The following MCPH1 variants were observed in gnomAD, a reference collection of about 807,000 sequenced individuals.
MCPH1 encodes microcephalin.
Under a neutral mutation model 84.5 loss-of-function variants are expected in MCPH1, and 104 were observed. The ratio of observed to expected loss-of-function variants is 1.23; its 90% CI spans 1.05 to 1.45. The LOEUF is 1.45. Among genes scored for constraint, MCPH1 ranks in the 40% most tolerant of loss-of-function variants. The pLI, the probability that MCPH1 is intolerant of heterozygous loss-of-function variation, is 0.00. For missense variants in MCPH1, 1,498 were observed against 1,005.7 expected, an observed-to-expected ratio of 1.49 and a Z score of -6.62; for synonymous variants, 514 against 366.8, an observed-to-expected ratio of 1.40 and a Z score of -4.58.
At chr8:6,641,119 GAATA>G (rs1481377561) in intron 13 of MCPH1, among the ~76,000 whole-genome samples, 2 of 151,746 alleles carry the variant, frequency 1.3e-5, no homozygotes, top group African/African-American at 4.8e-5. Context: ...ATAAACTTTA[GAATA>G]AACATGTCGT....
chr8:6,426,084 T>C lies in MCPH1; in HGVS notation c.234-5415T>C, dbSNP rs577237129. ...GAAGCACAGTTAAAAAACATTTCCT[T>C]CCTCGTTCTCTTCCACCCGCCTCCC... On this transcript the variant is annotated intron_variant, in intron 3 of 13. Coordinates refer to ENST00000344683, the MANE Select transcript of MCPH1 (RefSeq NM_024596.5). 5.3e-5 allele frequency among the ~76,000 whole-genome samples: 8 copies of C among 152,306 alleles called. No homozygotes were observed. In the South Asian group the frequency reaches 1.5e-3, roughly 28 times the overall value.
intron 2 of MCPH1, among the ~76,000 whole-genome samples, chr8:6,413,982 T>C (rs971714830): frequency 2.6e-5 from 4 of 152,230 alleles, no homozygotes; most frequent in African/African-American, 9.6e-5. Context: ...CTTAAATTTC[T>C]GACCTCATGA....
chr8:6,452,441 A>C (rs1475481255), intron 8 of MCPH1, among the ~76,000 whole-genome samples: 1 of 152,252 alleles, frequency 6.6e-6, no homozygotes, highest in Non-Finnish European at 1.5e-5. Context: ...ATTTCGTGAA[A>C]ACGAAGTCAA....
At chr8:6,415,727 C>T (rs1799185442) in intron 3 of MCPH1, among the ~76,000 whole-genome samples, 1 of 152,058 alleles carries the variant, frequency 6.6e-6, no homozygotes, top group African/African-American at 2.4e-5. Flanking sequence ...ACTTGTTTTT[C>T]ATTTTCAAGA....
chr8:6,510,135 C>G (rs1400345612), intron 12 of MCPH1, among the ~76,000 whole-genome samples: 1 of 150,086 alleles, frequency 6.7e-6, no homozygotes, highest in Admixed American at 6.6e-5. Context: ...AGGGAGAAGA[C>G]AATATTTTTG....
At chr8:6,618,042 G>A (rs917284185) in intron 12 of MCPH1, among the ~76,000 whole-genome samples, 1 of 152,106 alleles carries the variant, frequency 6.6e-6, no homozygotes, top group Admixed American at 6.6e-5. Context: ...AAAGTGCTGG[G>A]ATTACAGGTG....
intron 12 of MCPH1, among the ~76,000 whole-genome samples, chr8:6,601,190 A>G (rs76466679): frequency 0.047 from 7,081 of 152,186 alleles, 572 homozygotes; most frequent in African/African-American, 0.16. Flanking sequence ...CACTTTCCAG[A>G]GGATTATTCC....
intron 9 of MCPH1, among the ~76,000 whole-genome samples, chr8:6,463,191 A>G (rs1418234913): frequency 6.6e-6 from 1 of 152,188 alleles, no homozygotes; most frequent in Non-Finnish European, 1.5e-5. Context: ...GTAGGCCATT[A>G]GCATGAAATT....
intron 9 of MCPH1, among the ~76,000 whole-genome samples, chr8:6,472,792 T>C (rs189144840): frequency 2.6e-3 from 398 of 152,306 alleles, no homozygotes; most frequent in African/African-American, 7.6e-3. Flanking sequence ...GTACAAAATA[T>C]ATCATTTAGG....
chr8:6,637,094 G>A (rs1229816226), intron 13 of MCPH1, among the ~76,000 whole-genome samples: 1 of 152,206 alleles, frequency 6.6e-6, no homozygotes, highest in Non-Finnish European at 1.5e-5. Flanking sequence ...ATGGTATCAG[G>A]TCATTCATTC....
intron 12 of MCPH1, among the ~76,000 whole-genome samples, chr8:6,576,100 C>T (rs1018468006): frequency 6.6e-6 from 1 of 151,212 alleles, no homozygotes; most frequent in African/African-American, 2.4e-5. Context: ...TATAACGCTA[C>T]CTTGCAGCCT....
At chr8:6,513,576 G>T in intron 12 of MCPH1, 1 of 829,118 alleles carries the variant, frequency 1.2e-6, no homozygotes, top group South Asian at 2.0e-5. Context: ...CTCGTGATCT[G>T]CCCACCTCGG....
At chr8:6,527,511 A>G in intron 12 of MCPH1, 1 of 1,591,302 alleles carries the variant, frequency 6.3e-7, no homozygotes, top group Non-Finnish European at 8.6e-7. Context: ...CATATCTGGA[A>G]AGTGTGCAGT....
chr8:6,533,980 A>G (rs1414000799), intron 12 of MCPH1, among the ~76,000 whole-genome samples: 3 of 152,102 alleles, frequency 2.0e-5, no homozygotes, highest in Non-Finnish European at 2.9e-5. Context: ...GGCTGGAACT[A>G]TAAGTTTCCT....
At chr8:6,455,119 A>G in intron 8 of MCPH1, 24 bp from the exon 9 acceptor site, 1 of 1,583,936 alleles carries the variant, frequency 6.3e-7, no homozygotes, top group Admixed American at 1.7e-5. Flanking sequence ...GTTCTAACTA[A>G]TTTTTAATCC....
At chr8:6,480,450 C>G (rs1809058840) in intron 10 of MCPH1, among the ~76,000 whole-genome samples, 1 of 152,212 alleles carries the variant, frequency 6.6e-6, no homozygotes, top group African/African-American at 2.4e-5. Flanking sequence ...GGCTCTGTCC[C>G]TACCCAGCCC....
At position 6,505,499 on chromosome 8, in the gene MCPH1, ATATG is replaced by A. The variant is rs1214349972; in HGVS notation, c.2214+5574_2214+5577del. Among the ~76,000 whole-genome samples, 13 of 4,914 alleles carry A rather than the reference ATATG, an allele frequency of 2.6e-3. 1 individual carries two copies. Among genetic ancestry groups the A allele is most frequent in the Admixed American group, 5.7e-3 (1 of 176 alleles). 3.2% of individuals were successfully genotyped at this position (4,914 alleles called of 152,430 possible). On this transcript the variant is annotated intron_variant, in intron 12 of 13. Transcript: ENST00000344683. ...TATATAGAATATATATATTCTTTAT[ATATG>A]TATATATAGAATATATATTCTTTAT...
In MCPH1 at chr8:6,407,586, C is replaced by G. The variant is rs548823503; in HGVS notation, c.22+897C>G. ...GGGCCTGTATTGTGGGGCCTGGAGT[C>G]ATAAAACCTCATAGCCAAAAGTAAA... On this transcript the variant is annotated intron_variant, in intron 1 of 13. Coordinates refer to ENST00000344683, the MANE Select transcript of MCPH1 (RefSeq NM_024596.5). Among the ~76,000 whole-genome samples, 2 of 152,284 alleles carry G rather than the reference C, an allele frequency of 1.3e-5. 1 individual carries two copies. Among genetic ancestry groups the G allele is most frequent in the Admixed American group, 1.3e-4 (2 of 15,294 alleles).
chr8:6,473,320 C>CTTTTTTTTTTTTTTTTTTTTT (rs56077837), intron 9 of MCPH1, among the ~76,000 whole-genome samples: 1 of 76,396 alleles, frequency 1.3e-5, no homozygotes, highest in African/African-American at 5.3e-5. Context: ...TCTCTCAATC[C>CTTTTTTTTTTTTTTTTTTTTT]TTTTTTTTTT....
Sources: gnomAD v4.1 joint callset for allele counts (sites outside exome capture counted in the v4.1 genomes callset) on GRCh38, gnomAD v4.1.1 for gene constraint, MANE v1.5 for transcripts, NCBI Gene and HGNC (gene_info 2026-07-23, HGNC 2026-07-21) for gene names.